The following RTF2 variants were observed in gnomAD, a reference collection of about 807,000 sequenced individuals.
RTF2 encodes UPF0549 protein C20orf43.
In RTF2, 18 loss-of-function variants were observed where a neutral mutation model predicts 38.0. The observed-to-expected ratio is 0.47, with a 90% CI of 0.33 to 0.70. The LOEUF (loss-of-function observed/expected upper bound fraction) is 0.70. Ranked by LOEUF, RTF2 falls within the 30% of genes least tolerant of loss-of-function variation. The pLI, the probability that RTF2 is intolerant of heterozygous loss-of-function variation, is 0.02. For missense variants in RTF2, 311 were observed against 379.6 expected (o/e 0.82, Z 1.50); for synonymous variants, 126 against 137.1 (o/e 0.92, Z 0.57).
At chr20:56,507,324 C>T (rs761973853) in intron 5 of RTF2, among the ~76,000 whole-genome samples, 7 of 152,142 alleles carry the variant, frequency 4.6e-5, no homozygotes, top group Non-Finnish European at 7.4e-5. Flanking sequence ...GGGTCAAGCA[C>T]CTACCCAGAA....
intron 5 of RTF2, among the ~76,000 whole-genome samples, chr20:56,503,313 A>G (rs925913516): frequency 8.5e-5 from 13 of 152,214 alleles, no homozygotes; most frequent in Non-Finnish European, 1.5e-4. Context: ...TTCCTAAAAC[A>G]TGTATAAATT....
At chr20:56,494,892 A>G (rs1983410971) in intron 5 of RTF2, among the ~76,000 whole-genome samples, 2 of 152,222 alleles carry the variant, frequency 1.3e-5, no homozygotes, top group Admixed American at 1.3e-4. Context: ...ATCTCTGTGC[A>G]GTAGTTCCTG....
chr20:56,476,823 T>C (rs1982270697), intron 3 of RTF2, among the ~76,000 whole-genome samples, 162 bp from the exon 4 acceptor site: 2 of 152,196 alleles, frequency 1.3e-5, no homozygotes, highest in African/African-American at 4.8e-5. Flanking sequence ...CTATATATGG[T>C]TTAATATTAT....
In RTF2 at chr20:56,513,364, A is replaced by G. The variant is rs1220961472; in HGVS notation, c.527A>G (p.Lys176Arg). The G allele has an allele frequency of 6.2e-7, 1 of 1,609,342 alleles. No homozygotes were observed. The highest frequency in any genetic ancestry group is 1.1e-5 in the South Asian group (1 of 89,594). ...EDDVIMLNGT[K>R]EDVDVLKTRM... ...GATGTCATCATGCTCAATGGCACCA[A>G]GGAGGATGTGGACGTGCTGAAGACA... is the stretch of plus-strand genomic sequence containing the variant. Residue 176 changes from lysine to arginine, a missense_variant, in exon 6 of 9, where the codon AAG becomes AGG. Lys to Arg is a conservative substitution (Grantham distance 26). Coordinates refer to ENST00000357348, the MANE Select transcript of RTF2 (RefSeq NM_016407.5).
chr20:56,515,665 G>GACACACACAC (rs11474559), intron 6 of RTF2: 3,067 of 145,742 alleles, frequency 0.021, 76 homozygotes, highest in African/African-American at 0.064. Flanking sequence ...CTCAGACAGA[G>GACACACACAC]ACACACACAC....
rs151216180 is a variant in RTF2, at chr20:56,474,588, C to T, written c.165-90C>T. ...GGGTATTTCTCTTATCAAATGTAAA[C>T]GACTTTTGGATTGTGTTCAGTTTAT... On this transcript the variant is annotated intron_variant, in intron 2 of 8. Coordinates refer to ENST00000357348, the MANE Select transcript of RTF2 (RefSeq NM_016407.5). The T allele has an allele frequency of 6.3e-4, 462 of 733,144 alleles. 5 individuals carry two copies. The East Asian group carries it at 0.011, about 17-fold the overall frequency. The allele number at this position is 733,144 out of a possible 1,614,324, so 45.4% of individuals were successfully genotyped here.
chr20:56,503,477 T>C (rs3827108), intron 5 of RTF2, among the ~76,000 whole-genome samples: 54,131 of 152,012 alleles, frequency 0.36, 9,986 homozygotes, highest in East Asian at 0.64. Context: ...TAACAAATGG[T>C]AGCATTTTAT....
Position 56,468,678 on chromosome 20 carries a change from G to A in RTF2, c.-20G>A, listed in dbSNP as rs910173816. ...TGACAGCTTTGGGGGTTTGCTGCTG[G>A]CTCTGACTCCCGTCCTGCGATGGGT... On this transcript the variant is annotated 5_prime_UTR_variant, in exon 1 of 9. Coordinates refer to ENST00000357348, the MANE Select transcript of RTF2 (RefSeq NM_016407.5). 4 of 1,564,116 alleles carry A rather than the reference G, an allele frequency of 2.6e-6. No homozygotes were observed. Among genetic ancestry groups the A allele is most frequent in the Non-Finnish European group, 3.5e-6 (4 of 1,154,258 alleles).
intron 4 of RTF2, among the ~76,000 whole-genome samples, chr20:56,483,197 G>T (rs1047653000): frequency 6.6e-6 from 1 of 152,004 alleles, no homozygotes; most frequent in African/African-American, 2.4e-5. Flanking sequence ...ACACTTGTGG[G>T]CATGTTTCTG....
intron 7 of RTF2, 40 bp from the exon 8 acceptor site, chr20:56,517,066 T>C: frequency 6.2e-7 from 1 of 1,611,360 alleles, no homozygotes; most frequent in Non-Finnish European, 8.5e-7. Context: ...ATGCTTTGTT[T>C]TGCATTGTTT....
intron 2 of RTF2, among the ~76,000 whole-genome samples, chr20:56,474,146 T>C (rs1005198051): frequency 6.6e-6 from 1 of 152,256 alleles, no homozygotes; most frequent in Non-Finnish European, 1.5e-5. Flanking sequence ...TTGTTCAGGT[T>C]ACATTCAGCC....
At chr20:56,482,994 T>A (rs1391804244) in intron 4 of RTF2, among the ~76,000 whole-genome samples, 1 of 152,230 alleles carries the variant, frequency 6.6e-6, no homozygotes, top group Non-Finnish European at 1.5e-5. Flanking sequence ...ACCTCTTTTT[T>A]TCTTTCTGTT....
At chr20:56,479,521 G>A (rs1391385700) in intron 4 of RTF2, among the ~76,000 whole-genome samples, 1 of 152,104 alleles carries the variant, frequency 6.6e-6, no homozygotes, top group East Asian at 1.9e-4. Context: ...CACCACAGCG[G>A]GCCAAATCAC....
Position 56,513,441 on chromosome 20 carries a change from T to G in RTF2, c.591+13T>G, listed in dbSNP as rs750821043. 1.3e-5 allele frequency: 21 copies of G among 1,570,346 alleles called. 1 individual carries two copies. The South Asian group carries it at 2.5e-4, about 18-fold the overall frequency. ...GAAGCTGGAAAAGGTAATGGGAGTC[T>G]TCAGGTTCCGCCCAGCCCCCATCTC... On this transcript the variant is annotated intron_variant, in intron 6 of 8. Transcript: ENST00000357348.
intron 3 of RTF2, 79 bp from the exon 4 acceptor site, chr20:56,476,906 A>G (rs936914488): frequency 1.1e-5 from 16 of 1,429,252 alleles, no homozygotes; most frequent in Non-Finnish European, 1.5e-5. Flanking sequence ...TGGAATAACA[A>G]TTTGTTGACT....
intron 5 of RTF2, among the ~76,000 whole-genome samples, chr20:56,507,232 G>A (rs1281712632): frequency 2.0e-5 from 3 of 152,122 alleles, no homozygotes; most frequent in African/African-American, 7.2e-5. Flanking sequence ...CTTTGCGGCA[G>A]CCCCACTCCC....
Position 56,509,988 on chromosome 20 carries a change from C to CA in RTF2, c.478-3315dup, listed in dbSNP as rs202154296. 3.6e-3 allele frequency among the ~76,000 whole-genome samples: 486 copies of CA among 134,666 alleles called. 2 individuals are homozygous for CA. The highest frequency in any genetic ancestry group is 0.018 in the East Asian group (86 of 4,900). 88.3% of individuals were successfully genotyped at this position (134,666 alleles called of 152,430 possible). ...AAAACATTATGCTAAAATCCAGTCA[C>CA]AAAAAAAAAAAACATGTATATTGTA... On this transcript the variant is annotated intron_variant, in intron 5 of 8. Coordinates refer to ENST00000357348, the MANE Select transcript of RTF2 (RefSeq NM_016407.5).
chr20:56,494,737 TTTTG>T (rs1983400834), intron 5 of RTF2, among the ~76,000 whole-genome samples: 1 of 152,216 alleles, frequency 6.6e-6, no homozygotes, highest in Non-Finnish European at 1.5e-5. Flanking sequence ...GATTTACATT[TTTTG>T]TTTGTCTCCA....
At chr20:56,475,561 G>A (rs947728335) in intron 3 of RTF2, among the ~76,000 whole-genome samples, 1 of 152,130 alleles carries the variant, frequency 6.6e-6, no homozygotes, top group African/African-American at 2.4e-5. Flanking sequence ...GATTTTAGTG[G>A]TCTTTTACCT....
Sources: allele counts gnomAD v4.1 joint callset (sites outside exome capture counted in the v4.1 genomes callset), GRCh38; gene constraint gnomAD v4.1.1; transcripts MANE v1.5; gene names NCBI Gene and HGNC (gene_info 2026-07-23, HGNC 2026-07-21).